ATP2B1: variants seen among roughly 807,000 people sequenced by gnomAD.
The protein encoded by ATP2B1 is ATPase plasma membrane Ca2+ transporting 1.
Under a neutral mutation model 124.2 loss-of-function variants are expected in ATP2B1, and 14 were observed. The observed-to-expected ratio is 0.11, with a 90% CI of 0.07 to 0.18. The LOEUF (loss-of-function observed/expected upper bound fraction) is 0.18, where lower values mean the gene tolerates loss of function less well. ATP2B1 is among the 10% of genes least tolerant of loss of function. The probability of loss-of-function intolerance (pLI) is 1.00; values close to 1 mark genes in which losing one functional copy is unlikely to be tolerated. For missense variants in ATP2B1, 763 were observed against 1,466.1 expected, an observed-to-expected ratio of 0.52 and a Z score of 7.83; for synonymous variants, 449 against 492.4, an observed-to-expected ratio of 0.91 and a Z score of 1.17.
intron 1 of ATP2B1, among the ~76,000 whole-genome samples, chr12:89,659,634 C>T (rs1268533918): frequency 6.6e-6 from 1 of 152,016 alleles, no homozygotes; most frequent in Non-Finnish European, 1.5e-5. Flanking sequence ...GAAAGTTAAC[C>T]AGACTTGGTC....
intron 2 of ATP2B1, among the ~76,000 whole-genome samples, chr12:89,643,759 C>G (rs2136258916): frequency 1.3e-5 from 2 of 152,324 alleles, no homozygotes; most frequent in South Asian, 4.1e-4. Flanking sequence ...ACAGTACAGA[C>G]AGCAGTGACA....
At chr12:89,695,656 T>C (rs1010045374) in intron 1 of ATP2B1, among the ~76,000 whole-genome samples, 4 of 152,042 alleles carry the variant, frequency 2.6e-5, no homozygotes, top group Non-Finnish European at 4.4e-5. Flanking sequence ...AAAAAAAAGA[T>C]AGATACATTA....
intron 1 of ATP2B1, among the ~76,000 whole-genome samples, chr12:89,678,017 CATAT>C (rs1457710792): frequency 2.8e-4 from 39 of 137,752 alleles, no homozygotes; most frequent in African/African-American, 1.0e-3. Context: ...CACACACACA[CATAT>C]ACAGAATGGA....
chr12:89,618,016 T>G (rs1879300762), intron 11 of ATP2B1, among the ~76,000 whole-genome samples: 1 of 152,202 alleles, frequency 6.6e-6, no homozygotes, highest in Admixed American at 6.5e-5. Context: ...TACTTTCTTC[T>G]GGTTCTTACT....
chr12:89,673,756 A>G (rs1888274856), intron 1 of ATP2B1, among the ~76,000 whole-genome samples: 1 of 152,192 alleles, frequency 6.6e-6, no homozygotes, highest in Non-Finnish European at 1.5e-5. Context: ...TCTTATACAT[A>G]TCAGCTATGA....
At chr12:89,610,669 G>C (rs1877826083) in intron 13 of ATP2B1, 161 bp from the exon 14 acceptor site, 6 of 623,744 alleles carry the variant, frequency 9.6e-6, no homozygotes, top group Non-Finnish European at 1.7e-5. Flanking sequence ...CATGGACCCA[G>C]ATCTATCTTA....
chr12:89,614,523 C>A lies in ATP2B1; in HGVS notation c.2067+2279G>T, dbSNP rs549043983. Among the ~76,000 whole-genome samples, 47 of 152,300 alleles carry A rather than the reference C, an allele frequency of 3.1e-4. 1 individual carries two copies. The South Asian group carries it at 9.3e-3, about 30-fold the overall frequency. On this transcript the variant is annotated intron_variant, in intron 12 of 20. Transcript: ENST00000428670. ...GTTCTCTTATTACATTGGTAACCCT[C>A]TATCAGCCACCAAGTTACAGACTGG... is the stretch of plus-strand genomic sequence containing the variant.
At chr12:89,681,298 TTTC>T (rs1315668367) in intron 1 of ATP2B1, among the ~76,000 whole-genome samples, 1 of 152,070 alleles carries the variant, frequency 6.6e-6, no homozygotes, top group Non-Finnish European at 1.5e-5. Context: ...AATGAAATAA[TTTC>T]TTAAGAAAAT....
chr12:89,670,444 T>A (rs1467146264), intron 1 of ATP2B1, among the ~76,000 whole-genome samples: 2 of 151,962 alleles, frequency 1.3e-5, no homozygotes, highest in African/African-American at 4.8e-5. Context: ...TTTTTTCAAC[T>A]TTTATTTTAG....
chr12:89,625,060 G>A (rs1004776168), intron 8 of ATP2B1, among the ~76,000 whole-genome samples: 6 of 145,178 alleles, frequency 4.1e-5, no homozygotes, highest in Non-Finnish European at 7.6e-5. Flanking sequence ...ATCACCTGAG[G>A]TCAGGAATTC....
chr12:89,704,784 T>A (rs1892260997), intron 1 of ATP2B1, among the ~76,000 whole-genome samples: 1 of 152,104 alleles, frequency 6.6e-6, no homozygotes, highest in African/African-American at 2.4e-5. Context: ...AGACACTATC[T>A]TTGGGCACCT....
chr12:89,699,690 C>T (rs1891589485), intron 1 of ATP2B1, among the ~76,000 whole-genome samples: 3 of 152,130 alleles, frequency 2.0e-5, no homozygotes, highest in Non-Finnish European at 4.4e-5. Context: ...CTTAACATAT[C>T]ATGGAGTAAA....
chr12:89,667,460 A>G (rs1402016306), intron 1 of ATP2B1, among the ~76,000 whole-genome samples: 1 of 152,220 alleles, frequency 6.6e-6, no homozygotes, highest in African/African-American at 2.4e-5. Context: ...TATGGCCTAC[A>G]TCTACCACCT....
intron 2 of ATP2B1, among the ~76,000 whole-genome samples, chr12:89,647,924 C>T (rs1483196300): frequency 6.6e-6 from 1 of 152,190 alleles, no homozygotes; most frequent in Non-Finnish European, 1.5e-5. Flanking sequence ...AACGTGCCTG[C>T]TCCTGCTTCA....
chr12:89,623,965 T>G (rs1453723394), intron 9 of ATP2B1, among the ~76,000 whole-genome samples: 1 of 152,184 alleles, frequency 6.6e-6, no homozygotes, highest in Non-Finnish European at 1.5e-5. Flanking sequence ...CTTAGTATTG[T>G]GTCAAGGCTG....
intron 2 of ATP2B1, among the ~76,000 whole-genome samples, chr12:89,648,176 T>C (rs183133299): frequency 6.6e-6 from 1 of 152,252 alleles, no homozygotes; most frequent in African/African-American, 2.4e-5. Flanking sequence ...TGTAGCTGGG[T>C]AACAGGCAGA....
intron 1 of ATP2B1, among the ~76,000 whole-genome samples, chr12:89,675,310 T>C (rs2136564925): frequency 6.6e-6 from 1 of 152,302 alleles, no homozygotes; most frequent in East Asian, 1.9e-4. Flanking sequence ...TCATACATAA[T>C]GCGTAAATTT....
intron 1 of ATP2B1, among the ~76,000 whole-genome samples, chr12:89,692,708 A>T (rs1251716121): frequency 6.6e-6 from 1 of 152,118 alleles, no homozygotes; most frequent in Admixed American, 6.5e-5. Flanking sequence ...TCACTTAGCA[A>T]ACATTTATTC....
At chr12:89,669,805 G>C (rs907168849) in intron 1 of ATP2B1, among the ~76,000 whole-genome samples, 8 of 152,238 alleles carry the variant, frequency 5.3e-5, no homozygotes, top group African/African-American at 1.9e-4. Context: ...GGGTGATATA[G>C]AAGGCACACA....
Sources: allele counts gnomAD v4.1 joint callset (sites outside exome capture counted in the v4.1 genomes callset), GRCh38; gene constraint gnomAD v4.1.1; transcripts MANE v1.5; gene names NCBI Gene and HGNC (gene_info 2026-07-23, HGNC 2026-07-21).